PTCH1: variants seen among roughly 807,000 people sequenced by gnomAD.
The protein encoded by PTCH1 is protein patched homolog 1.
Under a neutral mutation model 144.6 loss-of-function variants are expected in PTCH1, and 14 were observed. The observed-to-expected ratio is 0.10, with a 90% CI of 0.06 to 0.15. The LOEUF (loss-of-function observed/expected upper bound fraction) is 0.15, where lower values mean the gene tolerates loss of function less well. PTCH1 is among the 10% of genes least tolerant of loss of function. The pLI, the probability that PTCH1 is intolerant of heterozygous loss-of-function variation, is 1.00. For missense variants in PTCH1, 1,623 were observed against 1,948.3 expected (o/e 0.83, Z 3.14); for synonymous variants, 833 against 793.6 (o/e 1.05, Z -0.83).
At chr9:95,494,376 T>C (rs542506753) in intron 2 of PTCH1, 2 of 985,400 alleles carry the variant, frequency 2.0e-6, no homozygotes, top group Non-Finnish European at 2.4e-6. Context: ...GAGACGACGC[T>C]GCATCTGCCA....
chr9:95,478,047 A>C lies in PTCH1; in HGVS notation c.1347+8T>G. On this transcript the variant is annotated splice_region_variant and intron_variant, in intron 9 of 23. Coordinates refer to ENST00000331920, the MANE Select transcript of PTCH1 (RefSeq NM_000264.5). ...TCCAGCCCCCAGGAGCATGGCATCGAGCGTTACCATGAGTAAGTAGCCGCT... is the reference window on the plus strand; with the variant it reads ...TCCAGCCCCCAGGAGCATGGCATCGCGCGTTACCATGAGTAAGTAGCCGCT... 1 of 1,614,172 alleles carries C rather than the reference A, an allele frequency of 6.2e-7. No individual in the cohort carries two copies. The highest frequency in any genetic ancestry group is 1.1e-5 in the South Asian group (1 of 91,078).
intron 2 of PTCH1, chr9:95,495,275 A>G (rs1212044406): frequency 6.6e-6 from 1 of 152,170 alleles, no homozygotes; most frequent in Non-Finnish European, 1.5e-5. Flanking sequence ...CCACCAACCA[A>G]AAAACGGAAG....
rs1167622140 is a variant in PTCH1 at position 95,443,872 on chromosome 9, A to G, written c.*2521T>C. The G allele has an allele frequency of 1.3e-5, 2 of 152,614 alleles. No homozygotes were observed. Among genetic ancestry groups the G allele is most frequent in the Non-Finnish European group, 2.9e-5 (2 of 68,016 alleles). 9.5% of individuals were successfully genotyped at this position (152,614 alleles called of 1,614,324 possible). A position where few individuals can be genotyped will look rare whatever the true frequency, so the allele number is the denominator to read the frequency against. The stretch of plus-strand genomic sequence containing the variant: ...CCCAGTTTGAATATTTATTTCCTTT[A>G]AACTCCTTACCCTAAAACCTACCAT... On this transcript the variant is annotated 3_prime_UTR_variant, in exon 24 of 24. Transcript: ENST00000331920.
chr9:95,479,226 T>A (rs1841340633), intron 7 of PTCH1, 79 bp from the exon 8 acceptor site: 23 of 1,565,956 alleles, frequency 1.5e-5, no homozygotes, highest in Non-Finnish European at 2.0e-5. Context: ...CCCAGCCAGC[T>A]CCCCCAACTC....
chr9:95,449,648 G>C lies in PTCH1; in HGVS notation c.3549+193C>G, dbSNP rs1344163124. The C allele has an allele frequency of 1.5e-6, 1 of 680,818 alleles. No individual in the cohort carries two copies. The highest frequency in any genetic ancestry group is 1.9e-5 in the South Asian group (1 of 53,974). The allele number at this position is 680,818 out of a possible 1,614,324, so 42.2% of individuals were successfully genotyped here. A position where few individuals can be genotyped will look rare whatever the true frequency, so the allele number is the denominator to read the frequency against. On this transcript the variant is annotated intron_variant, in intron 21 of 23. Transcript: ENST00000331920. The surrounding 1 kb of genome is among the most constrained non-coding windows in gnomAD (Gnocchi z 5.3). ...CCCAGGCTGCCAATCAGTTGATTTA[G>C]AGGAACCAAACCGAACCCGCCCTCT...
chr9:95,458,207 C>T lies in PTCH1; in HGVS notation c.2974G>A (p.Glu992Lys). 1 of 1,614,094 alleles carries T rather than the reference C, an allele frequency of 6.2e-7. No individual in the cohort carries two copies. Among genetic ancestry groups the T allele is most frequent in the South Asian group, 1.1e-5 (1 of 91,072 alleles). ...TTGCTGCAGATGGTCCTTACTTTTT[C>T]AATTGCCTCCACAAAGTCTGAGGTG... ...RDTSDFVEAIEKVRTICSNYT... is the reference protein window; with the variant it reads ...RDTSDFVEAIKKVRTICSNYT... Residue 992 changes from glutamate (E) to lysine (K), a missense_variant, in exon 18 of 24, where the codon GAA becomes AAA. Transcript: ENST00000331920. This position sits in a 1 kb window ranked among gnomAD's most constrained non-coding sequence, Gnocchi z 4.7.
At chr9:95,467,605 T>C (rs1196922779) in intron 14 of PTCH1, among the ~76,000 whole-genome samples, 180 bp from the exon 15 acceptor site, 7 of 152,166 alleles carry the variant, frequency 4.6e-5, no homozygotes, top group Admixed American at 3.9e-4. Context: ...TTTATTTTGT[T>C]TTGTTTTATA....
chr9:95,476,763 A>G lies in PTCH1; in HGVS notation c.1598T>C (p.Phe533Ser), dbSNP rs1318015818. The G allele has an allele frequency of 4.3e-6, 7 of 1,613,532 alleles. No individual in the cohort carries two copies. The highest frequency in any genetic ancestry group is 5.9e-6 in the Non-Finnish European group (7 of 1,179,552). ...SETGQNKRIP[F>S]EDRTGECLKR... ...CTTCTTTTGTTTTTGCATTACCTCA[A>G]AAGGGATTCTTTTATTCTGTCCTGT... Residue 533 changes from phenylalanine (F) to serine (S), a missense_variant, in exon 11 of 24, where the codon TTT becomes TCT. Coordinates refer to ENST00000331920, the MANE Select transcript of PTCH1 (RefSeq NM_000264.5). The surrounding 1 kb of genome is among the most constrained non-coding windows in gnomAD (Gnocchi z 4.6).
chr9:95,471,562 A>T (rs1323965831), intron 12 of PTCH1, among the ~76,000 whole-genome samples: 3 of 152,246 alleles, frequency 2.0e-5, no homozygotes. Flanking sequence ...TGCTGGAGAC[A>T]CAAAGATAAA....
At chr9:95,465,005 T>G (rs186601243) in intron 15 of PTCH1, among the ~76,000 whole-genome samples, 3 of 152,090 alleles carry the variant, frequency 2.0e-5, no homozygotes, top group Admixed American at 2.0e-4. Flanking sequence ...GGGACCCTGA[T>G]TGCTTAGCAC....
chr9:95,515,820 A>G (rs1844338481), intron 1 of PTCH1, among the ~76,000 whole-genome samples: 2 of 152,152 alleles, frequency 1.3e-5, no homozygotes, highest in Non-Finnish European at 2.9e-5. Flanking sequence ...CTTTTCCCGC[A>G]GCATGGGAGG....
Position 95,507,370 on chromosome 9 carries a change from C to G in PTCH1, c.202-771G>C, listed in dbSNP as rs148592862. 6.4e-4 allele frequency: 632 copies of G among 985,508 alleles called. 5 individuals are homozygous for G. The African/African-American group carries it at 0.01, about 16-fold the overall frequency. 61.0% of individuals were successfully genotyped at this position (985,508 alleles called of 1,614,324 possible). A position where few individuals can be genotyped will look rare whatever the true frequency, so the allele number is the denominator to read the frequency against. On this transcript the variant is annotated intron_variant, in intron 1 of 23. Coordinates refer to ENST00000331920, the MANE Select transcript of PTCH1 (RefSeq NM_000264.5). Reference sequence around the variant, plus strand: ...GCTGCTCCCCGGCGCGGCATTTCCCCGGCGCTGGCCGCGGCCCCGGCGGGC... The same window carrying G: ...GCTGCTCCCCGGCGCGGCATTTCCCGGGCGCTGGCCGCGGCCCCGGCGGGC...
At chr9:95,465,308 G>A (rs1839901689) in intron 15 of PTCH1, among the ~76,000 whole-genome samples, 1 of 152,092 alleles carries the variant, frequency 6.6e-6, no homozygotes, top group Non-Finnish European at 1.5e-5. Flanking sequence ...TCACAGACTG[G>A]CAGGGCACAG....
chr9:95,489,170 T>C (rs1157553590), intron 2 of PTCH1, among the ~76,000 whole-genome samples: 2 of 152,164 alleles, frequency 1.3e-5, no homozygotes, highest in Admixed American at 6.5e-5. Context: ...CGTCTGACAT[T>C]TGCTACCCTA....
In PTCH1 at chr9:95,444,618, G is replaced by T. The variant is rs191255661; in HGVS notation, c.*1775C>A. On this transcript the variant is annotated 3_prime_UTR_variant, in exon 24 of 24. Coordinates refer to ENST00000331920, the MANE Select transcript of PTCH1 (RefSeq NM_000264.5). ...GGTCACTATGCTGTGGGTATTTCTG[G>T]GGGCCCATTACCTTTCTGTTAAGAT... 7.2e-5 allele frequency: 11 copies of T among 152,164 alleles called. No individual in the cohort carries two copies. The highest frequency in any genetic ancestry group is 1.5e-4 in the Non-Finnish European group (10 of 68,090). 9.4% of individuals were successfully genotyped at this position (152,164 alleles called of 1,614,324 possible). A position where few individuals can be genotyped will look rare whatever the true frequency, so the allele number is the denominator to read the frequency against.
chr9:95,476,221 C>T lies in PTCH1; in HGVS notation c.1603-62G>A. ...GGACATGGTCCCCTTGGAGCACAGA[C>T]TGTGTGAGCAGATACGTGGCAGAAT... On this transcript the variant is annotated intron_variant, in intron 11 of 23. Transcript: ENST00000331920. The surrounding 1 kb of genome is among the most constrained non-coding windows in gnomAD (Gnocchi z 4.6). 1.3e-6 allele frequency: 2 copies of T among 1,580,650 alleles called. No homozygotes were observed. The highest frequency in any genetic ancestry group is 2.3e-5 in the East Asian group (1 of 43,298).
Position 95,485,810 on chromosome 9 carries a change from A to G in PTCH1, c.459T>C (p.Phe153=), listed in dbSNP as rs1360924304. 1 of 1,614,224 alleles carries G rather than the reference A, an allele frequency of 6.2e-7. No individual in the cohort carries two copies. The highest frequency in any genetic ancestry group is 1.7e-5 in the Admixed American group (1 of 60,034). The change falls in exon 3 of 24, where the codon TTT becomes TTC. Residue 153 remains phenylalanine (F), a synonymous_variant. Transcript: ENST00000331920. The part of the protein sequence containing the change: ...TRQKIGEEAM[F]NPQLMIQTPK... ...GGGTCTGTATCATGAGTTGAGGATTAAACATAGCCTCTTCTCCAATCTTCT... is the reference window on the plus strand; with the variant it reads ...GGGTCTGTATCATGAGTTGAGGATTGAACATAGCCTCTTCTCCAATCTTCT...
chr9:95,464,954 C>T (rs1370390137), intron 15 of PTCH1, among the ~76,000 whole-genome samples: 2 of 152,102 alleles, frequency 1.3e-5, no homozygotes, highest in Admixed American at 6.5e-5. Flanking sequence ...AGTGCTCTAG[C>T]GGACCCTGTA....
At chr9:95,470,530 T>C (rs765567771) in intron 12 of PTCH1, among the ~76,000 whole-genome samples, 1 of 152,126 alleles carries the variant, frequency 6.6e-6, no homozygotes, top group Non-Finnish European at 1.5e-5. Context: ...GTGATTATAG[T>C]ACGCAGAATA....
Sources: allele counts gnomAD v4.1 joint callset (sites outside exome capture counted in the v4.1 genomes callset), GRCh38; gene constraint gnomAD v4.1.1; non-coding constraint Gnocchi (gnomAD v3.1); transcripts MANE v1.5; gene names NCBI Gene and HGNC (gene_info 2026-07-23, HGNC 2026-07-21).